The following PDLIM5 variants were observed in gnomAD, a reference collection of about 807,000 sequenced individuals.
The protein encoded by PDLIM5 is PDZ and LIM domain protein 5.
Under a neutral mutation model 64.2 loss-of-function variants are expected in PDLIM5, and 34 were observed. The observed-to-expected ratio is 0.53, with a 90% CI of 0.40 to 0.71. The LOEUF (loss-of-function observed/expected upper bound fraction) is 0.71. Ranked by LOEUF, PDLIM5 falls within the 30% of genes least tolerant of loss-of-function variation. The pLI, the probability that PDLIM5 is intolerant of heterozygous loss-of-function variation, is 0.00. For missense variants in PDLIM5, 683 were observed against 733.6 expected (o/e 0.93, Z 0.80); for synonymous variants, 253 against 269.1 (o/e 0.94, Z 0.59).
At chr4:94,459,502 C>T (rs1723680029) in intron 2 of PDLIM5, among the ~76,000 whole-genome samples, 1 of 152,120 alleles carries the variant, frequency 6.6e-6, no homozygotes, top group Non-Finnish European at 1.5e-5. Flanking sequence ...GAGTCTAACA[C>T]AGAACAGAGA....
intron 2 of PDLIM5, among the ~76,000 whole-genome samples, chr4:94,479,077 T>G (rs1182706111): frequency 1.3e-5 from 2 of 151,492 alleles, no homozygotes; most frequent in African/African-American, 4.9e-5. Context: ...TTTTTTTTTT[T>G]TGGTAAAGAC....
At chr4:94,464,296 G>T (rs1272952336) in intron 2 of PDLIM5, among the ~76,000 whole-genome samples, 3 of 152,190 alleles carry the variant, frequency 2.0e-5, no homozygotes, top group Non-Finnish European at 4.4e-5. Flanking sequence ...AAAAGAGAAA[G>T]TAGTTACGGT....
At chr4:94,579,593 C>CA in intron 5 of PDLIM5, 1 of 901,344 alleles carries the variant, frequency 1.1e-6, no homozygotes, top group East Asian at 2.8e-5. Flanking sequence ...GAGTAAACAG[C>CA]ATGAATGCCT....
At chr4:94,490,881 T>C (rs1240506476) in intron 2 of PDLIM5, among the ~76,000 whole-genome samples, 1 of 152,202 alleles carries the variant, frequency 6.6e-6, no homozygotes, top group Non-Finnish European at 1.5e-5. Context: ...TTTCTTAATA[T>C]ACTTTTCAGT....
rs1279388327 is a variant in PDLIM5 at position 94,654,583 on chromosome 4, G to A, written c.1407G>A (p.Leu469=). Residue 469 remains leucine (L), a synonymous_variant, in exon 10 of 13, where the codon CTG becomes CTA. Coordinates refer to ENST00000317968, the MANE Select transcript of PDLIM5 (RefSeq NM_006457.5). Reference sequence around the variant, plus strand: ...AGAAAGGAGCCCTGTATTGTGAGCTGTGCTATGAGAAATTCTTTGCCCCTG... The same window carrying A: ...AGAAAGGAGCCCTGTATTGTGAGCTATGCTATGAGAAATTCTTTGCCCCTG... ...VEEKGALYCE[L]CYEKFFAPEC... 1 of 1,612,810 alleles carries A rather than the reference G, an allele frequency of 6.2e-7. No individual in the cohort carries two copies. Among genetic ancestry groups the A allele is most frequent in the South Asian group, 1.1e-5 (1 of 91,028 alleles).
chr4:94,633,439 C>T (rs933442750), intron 8 of PDLIM5, among the ~76,000 whole-genome samples: 1 of 152,118 alleles, frequency 6.6e-6, no homozygotes, highest in African/African-American at 2.4e-5. Flanking sequence ...GAAACTGTCC[C>T]ATCTACTTCT....
At chr4:94,624,424 C>T (rs1411967621) in intron 8 of PDLIM5, among the ~76,000 whole-genome samples, 5 of 152,054 alleles carry the variant, frequency 3.3e-5, no homozygotes, top group African/African-American at 1.2e-4. Flanking sequence ...CAAATTAGCT[C>T]GGATGCAAAA....
At chr4:94,556,072 C>T (rs1274810654) in intron 3 of PDLIM5, among the ~76,000 whole-genome samples, 1 of 123,636 alleles carries the variant, frequency 8.1e-6, no homozygotes, top group Non-Finnish European at 1.6e-5. Flanking sequence ...CACCCCACAA[C>T]AGGCCCCGGT....
chr4:94,625,688 T>C (rs934622986), intron 8 of PDLIM5, among the ~76,000 whole-genome samples: 11 of 152,078 alleles, frequency 7.2e-5, no homozygotes, highest in South Asian at 2.1e-4. Context: ...CTCCTGACCT[T>C]GTGATCTGCC....
intron 7 of PDLIM5, among the ~76,000 whole-genome samples, chr4:94,603,179 C>G (rs552480258): frequency 6.6e-6 from 1 of 152,006 alleles, no homozygotes; most frequent in African/African-American, 2.4e-5. Context: ...ATGTTAAGCA[C>G]TTTGGGTATT....
chr4:94,517,450 A>AT (rs1729463083), intron 2 of PDLIM5, among the ~76,000 whole-genome samples: 1 of 152,214 alleles, frequency 6.6e-6, no homozygotes. Context: ...CATTAATTAG[A>AT]TTTTAAGAAA....
chr4:94,619,703 C>T (rs898984766), intron 8 of PDLIM5, among the ~76,000 whole-genome samples: 1 of 152,060 alleles, frequency 6.6e-6, no homozygotes, highest in African/African-American at 2.4e-5. Context: ...AGTGCAGTAG[C>T]ACAATCATAG....
intron 8 of PDLIM5, among the ~76,000 whole-genome samples, chr4:94,636,058 G>A (rs149622608): frequency 1.8e-3 from 267 of 152,286 alleles, no homozygotes; most frequent in Non-Finnish European, 3.0e-3. Context: ...GCCTTTTTAT[G>A]TGTGTTTGAG....
At chr4:94,613,933 A>C (rs1294643333) in intron 7 of PDLIM5, among the ~76,000 whole-genome samples, 1 of 151,786 alleles carries the variant, frequency 6.6e-6, no homozygotes, top group Non-Finnish European at 1.5e-5. Context: ...CCTACATATA[A>C]AATAATATGG....
intron 3 of PDLIM5, among the ~76,000 whole-genome samples, chr4:94,572,105 A>G (rs937729559): frequency 2.0e-5 from 3 of 152,096 alleles, no homozygotes; most frequent in African/African-American, 7.2e-5. Context: ...ATCCTGTGCT[A>G]GTGTCTTCTG....
At chr4:94,585,383 C>G (rs1208215951) in intron 5 of PDLIM5, among the ~76,000 whole-genome samples, 182 bp from the exon 6 acceptor site, 1 of 152,108 alleles carries the variant, frequency 6.6e-6, no homozygotes, top group Non-Finnish European at 1.5e-5. Flanking sequence ...AGCCACCGTG[C>G]CCCGCCTATT....
intron 7 of PDLIM5, among the ~76,000 whole-genome samples, 189 bp from the exon 8 acceptor site, chr4:94,617,815 C>A (rs1738908289): frequency 6.6e-6 from 1 of 152,028 alleles, no homozygotes; most frequent in Non-Finnish European, 1.5e-5. Flanking sequence ...CAAATGCAAT[C>A]TGACTCCTTT....
chr4:94,636,631 C>T (rs1275074321), intron 8 of PDLIM5, among the ~76,000 whole-genome samples: 8 of 149,576 alleles, frequency 5.3e-5, no homozygotes, highest in Non-Finnish European at 8.8e-5. Flanking sequence ...CTCCACCTCC[C>T]GGCTTCACGC....
intron 3 of PDLIM5, among the ~76,000 whole-genome samples, chr4:94,541,229 GA>G (rs970701853): frequency 6.6e-6 from 1 of 150,682 alleles, no homozygotes; most frequent in Admixed American, 6.6e-5. Flanking sequence ...TTGGCCTTAG[GA>G]AAAAAAAATG....
Sources: gnomAD v4.1 joint callset for allele counts (sites outside exome capture counted in the v4.1 genomes callset) on GRCh38, gnomAD v4.1.1 for gene constraint, MANE v1.5 for transcripts, NCBI Gene and HGNC (gene_info 2026-07-23, HGNC 2026-07-21) for gene names.